Variants in MRPS27 observed in about 807,000 individuals in gnomAD.
MRPS27 encodes mitochondrial ribosomal protein S27.
In MRPS27, 43 loss-of-function variants were observed where a neutral mutation model predicts 48.9. The observed-to-expected ratio is 0.88, with a 90% CI of 0.69 to 1.13. MRPS27 has a LOEUF of 1.13. MRPS27 is among the 50% of genes most tolerant of loss of function. The pLI, the probability that MRPS27 is intolerant of heterozygous loss-of-function variation, is 0.00. For missense variants in MRPS27, 467 were observed against 476.3 expected, an observed-to-expected ratio of 0.98 and a Z score of 0.18; for synonymous variants, 188 against 171.9, an observed-to-expected ratio of 1.09 and a Z score of -0.73.
At chr5:72,265,091 T>C (rs949970532) in intron 4 of MRPS27, among the ~76,000 whole-genome samples, 11 of 152,242 alleles carry the variant, frequency 7.2e-5, no homozygotes, top group African/African-American at 2.7e-4. Context: ...AGCTATTTAT[T>C]TGTGTAATAG....
intron 4 of MRPS27, among the ~76,000 whole-genome samples, chr5:72,259,651 TG>T (rs1748913218): frequency 6.6e-6 from 1 of 152,114 alleles, no homozygotes; most frequent in Non-Finnish European, 1.5e-5. Context: ...CATCCAGAGC[TG>T]GTATTCTGGT....
At chr5:72,258,913 T>C (rs147946055) in intron 4 of MRPS27, among the ~76,000 whole-genome samples, 1 of 152,324 alleles carries the variant, frequency 6.6e-6, no homozygotes, top group East Asian at 1.9e-4. Flanking sequence ...CTCTCCCAGC[T>C]GCAAATCCAT....
chr5:72,280,002 T>C lies in MRPS27; in HGVS notation c.281+15529A>G, dbSNP rs79010351. On this transcript the variant is annotated intron_variant, in intron 4 of 10. Coordinates refer to ENST00000261413, the MANE Select transcript of MRPS27 (RefSeq NM_015084.3). ...TATTAACTAATCCATTCTTCGCCCT[T>C]TGATGTAAAAAATATCTCAGGTTTC... 4.9e-3 allele frequency among the ~76,000 whole-genome samples: 747 copies of C among 152,324 alleles called. 2 individuals carry two copies. The highest frequency in any genetic ancestry group is 0.017 in the African/African-American group (722 of 41,576).
intron 4 of MRPS27, among the ~76,000 whole-genome samples, chr5:72,265,176 A>C (rs1424554038): frequency 6.6e-6 from 1 of 152,214 alleles, no homozygotes; most frequent in Non-Finnish European, 1.5e-5. Flanking sequence ...GGTTTCCTTA[A>C]AATGCTGATA....
At chr5:72,283,927 A>G (rs1163395639) in intron 4 of MRPS27, among the ~76,000 whole-genome samples, 1 of 151,556 alleles carries the variant, frequency 6.6e-6, no homozygotes, top group Non-Finnish European at 1.5e-5. Flanking sequence ...TCCTATGTAC[A>G]TTTCTCTCTT....
At chr5:72,238,323 A>C (rs1748258792) in intron 4 of MRPS27, among the ~76,000 whole-genome samples, 195 bp from the exon 5 acceptor site, 2 of 150,266 alleles carry the variant, frequency 1.3e-5, no homozygotes, top group Admixed American at 6.6e-5. Context: ...AAGGCAAACT[A>C]ATAAATAACA....
At chr5:72,286,996 T>C (rs1310649071) in intron 4 of MRPS27, among the ~76,000 whole-genome samples, 1 of 152,100 alleles carries the variant, frequency 6.6e-6, no homozygotes, top group African/African-American at 2.4e-5. Flanking sequence ...ACCAGTCTGT[T>C]AGGAACTGGG....
chr5:72,250,013 CA>C (rs142721027), intron 4 of MRPS27, among the ~76,000 whole-genome samples: 9,871 of 152,120 alleles, frequency 0.065, 448 homozygotes, highest in Middle Eastern at 0.14. Flanking sequence ...ACAAAAATAA[CA>C]AAAAAACTCC....
At chr5:72,285,251 C>T (rs760340976) in intron 4 of MRPS27, among the ~76,000 whole-genome samples, 3 of 152,142 alleles carry the variant, frequency 2.0e-5, no homozygotes, top group East Asian at 3.9e-4. Flanking sequence ...TCCAGCTGTA[C>T]GATTTGTTCC....
At chr5:72,291,928 T>G (rs899089122) in intron 4 of MRPS27, among the ~76,000 whole-genome samples, 3 of 152,264 alleles carry the variant, frequency 2.0e-5, no homozygotes, top group African/African-American at 7.2e-5. Context: ...GGTTTACCAT[T>G]TAGCCTGCTA....
chr5:72,256,272 C>T (rs1748804185), intron 4 of MRPS27, among the ~76,000 whole-genome samples: 1 of 152,168 alleles, frequency 6.6e-6, no homozygotes, highest in Admixed American at 6.5e-5. Flanking sequence ...AAATTGCTAT[C>T]AAATGGGATA....
At chr5:72,250,417 G>GGT (rs1286623876) in intron 4 of MRPS27, among the ~76,000 whole-genome samples, 30 of 152,152 alleles carry the variant, frequency 2.0e-4, no homozygotes, top group Admixed American at 9.2e-4. Flanking sequence ...CCAAACCACA[G>GGT]TAATGCTGCT....
Position 72,220,893 on chromosome 5 carries a change from G to A in MRPS27, c.*16C>T, listed in dbSNP as rs747835918. The A allele has an allele frequency of 5.6e-6, 9 of 1,613,692 alleles. No individual in the cohort carries two copies. The highest frequency in any genetic ancestry group is 1.3e-5 in the African/African-American group (1 of 74,936). ...GTGAAGTTCTTGTGAGACAGGTGGG[G>A]CCCTGGGGGACCCTATTAGGCAGAT... On this transcript the variant is annotated 3_prime_UTR_variant, in exon 11 of 11. Coordinates refer to ENST00000261413, the MANE Select transcript of MRPS27 (RefSeq NM_015084.3).
chr5:72,223,142 G>A (rs2111929676), intron 10 of MRPS27, among the ~76,000 whole-genome samples: 1 of 152,356 alleles, frequency 6.6e-6, no homozygotes, highest in Middle Eastern at 3.4e-3. Flanking sequence ...ACCAAAGGTA[G>A]CTTGAGTGCT....
At chr5:72,296,400 CCTG>C (rs775035916) in intron 3 of MRPS27, among the ~76,000 whole-genome samples, 31 of 152,144 alleles carry the variant, frequency 2.0e-4, no homozygotes, top group Non-Finnish European at 2.9e-5. Context: ...AAACACAGAA[CCTG>C]AGCTTGAGAA....
intron 4 of MRPS27, among the ~76,000 whole-genome samples, chr5:72,261,342 C>T (rs1198526570): frequency 6.6e-6 from 1 of 152,132 alleles, no homozygotes; most frequent in Non-Finnish European, 1.5e-5. Context: ...ACCTCTGCCT[C>T]CTGGGTTCAA....
chr5:72,252,111 A>C (rs1330788613), intron 4 of MRPS27, among the ~76,000 whole-genome samples: 1 of 152,240 alleles, frequency 6.6e-6, no homozygotes, highest in African/African-American at 2.4e-5. Context: ...ACAAATAACC[A>C]ATAATAACTC....
chr5:72,285,667 A>G (rs1749653145), intron 4 of MRPS27, among the ~76,000 whole-genome samples: 1 of 152,182 alleles, frequency 6.6e-6, no homozygotes, highest in African/African-American at 2.4e-5. Context: ...GACTATAGGC[A>G]CACACCACCA....
chr5:72,228,243 T>A, intron 8 of MRPS27, 23 bp downstream of exon 8: 1 of 1,523,756 alleles, frequency 6.6e-7, no homozygotes, highest in Non-Finnish European at 9.1e-7. Context: ...AAGAACAGTA[T>A]TTGTAAGGAT....
Sources: allele counts gnomAD v4.1 joint callset (sites outside exome capture counted in the v4.1 genomes callset), GRCh38; gene constraint gnomAD v4.1.1; transcripts MANE v1.5; gene names NCBI Gene and HGNC (gene_info 2026-07-23, HGNC 2026-07-21).